The following AGBL4 variants were observed in gnomAD, a reference collection of about 807,000 sequenced individuals.
AGBL4 encodes the protein AGBL carboxypeptidase 4.
AGBL4 carries 58 observed loss-of-function variants against 66.4 expected under a neutral mutation model. The observed-to-expected ratio is 0.87, with a 90% CI of 0.71 to 1.09. The LOEUF (loss-of-function observed/expected upper bound fraction) is 1.09, where lower values mean the gene tolerates loss of function less well. AGBL4 is among the 50% of genes least tolerant of loss of function. AGBL4 has a pLI of 0.00. For synonymous variants in AGBL4, 234 were observed against 222.9 expected (o/e 1.05, Z -0.44); for missense variants, 579 against 631.0 (o/e 0.92, Z 0.88).
In AGBL4 at chr1:49,625,176, T is replaced by C. The variant is rs139432537; in HGVS notation, c.282+72137A>G. Among the ~76,000 whole-genome samples the C allele has an allele frequency of 2.9e-3, 435 of 152,334 alleles. 5 individuals carry two copies. Among genetic ancestry groups the C allele is most frequent in the Non-Finnish European group, 3.7e-3 (252 of 68,018 alleles). ...CCTTTACCATCTAAGCCACATCATT[T>C]AAGATTTATTTTAAAACACTTTATA... On this transcript the variant is annotated intron_variant, in intron 3 of 13. Coordinates refer to ENST00000371839, the MANE Select transcript of AGBL4 (RefSeq NM_032785.4).
At chr1:49,138,933 T>C in intron 4 of AGBL4, among the ~76,000 whole-genome samples, 1 of 152,094 alleles carries the variant, frequency 6.6e-6, no homozygotes, top group Admixed American at 6.6e-5. Context: ...CTGCAGGCTG[T>C]ACAGAACGAA....
At chr1:49,862,025 G>A (rs1486726289) in intron 1 of AGBL4, among the ~76,000 whole-genome samples, 1 of 151,924 alleles carries the variant, frequency 6.6e-6, no homozygotes, top group African/African-American at 2.4e-5. Flanking sequence ...ACAAAAACAT[G>A]GTCTCACCAA....
chr1:48,892,877 G>A (rs1019589157), intron 5 of AGBL4, among the ~76,000 whole-genome samples: 1 of 152,094 alleles, frequency 6.6e-6, no homozygotes, highest in African/African-American at 2.4e-5. Flanking sequence ...AAGAAAATGA[G>A]TTTCTGGTTA....
intron 3 of AGBL4, among the ~76,000 whole-genome samples, chr1:49,595,697 T>C (rs534226590): frequency 1.4e-4 from 22 of 152,242 alleles, no homozygotes; most frequent in African/African-American, 4.6e-4. Context: ...AATTATTTCA[T>C]AGCATAAGCA....
intron 6 of AGBL4, among the ~76,000 whole-genome samples, chr1:48,716,849 G>C (rs554870765): frequency 6.6e-6 from 1 of 152,328 alleles, no homozygotes; most frequent in East Asian, 1.9e-4. Context: ...AGATGAATTT[G>C]GAACTGTCCC....
At chr1:49,141,242 T>C (rs1222140935) in intron 4 of AGBL4, among the ~76,000 whole-genome samples, 3 of 152,198 alleles carry the variant, frequency 2.0e-5, no homozygotes, top group African/African-American at 7.2e-5. Context: ...TGAAAAGTAA[T>C]ATTTTATGCA....
At chr1:49,697,502 T>A in intron 2 of AGBL4, 65 bp from the exon 3 acceptor site, 1 of 1,277,268 alleles carries the variant, frequency 7.8e-7, no homozygotes, top group Non-Finnish European at 1.1e-6. Context: ...GGTACACACA[T>A]TTAAATATTA....
At chr1:49,800,432 G>A (rs1488048313) in intron 2 of AGBL4, among the ~76,000 whole-genome samples, 3 of 138,266 alleles carry the variant, frequency 2.2e-5, no homozygotes, top group African/African-American at 8.2e-5. Context: ...AGTTACATAT[G>A]TATACATGTG....
chr1:49,699,200 A>G (rs1302777318), intron 2 of AGBL4, among the ~76,000 whole-genome samples: 1 of 152,074 alleles, frequency 6.6e-6, no homozygotes, highest in African/African-American at 2.4e-5. Flanking sequence ...TATCAAACAT[A>G]TACTTTCTTT....
intron 4 of AGBL4, among the ~76,000 whole-genome samples, chr1:49,180,180 G>A (rs920779814): frequency 1.3e-5 from 2 of 152,236 alleles, no homozygotes; most frequent in African/African-American, 2.4e-5. Flanking sequence ...TTACAGGCGT[G>A]AGCCACTGCG....
intron 3 of AGBL4, among the ~76,000 whole-genome samples, chr1:49,550,353 T>G (rs1212767894): frequency 6.6e-6 from 1 of 152,146 alleles, no homozygotes; most frequent in African/African-American, 2.4e-5. Context: ...ATTTTTAGGA[T>G]TTTTGTTTTT....
chr1:49,561,543 T>A (rs1644044729), intron 3 of AGBL4, among the ~76,000 whole-genome samples: 1 of 151,494 alleles, frequency 6.6e-6, no homozygotes, highest in African/African-American at 2.4e-5. Context: ...CACCTATGAG[T>A]GAGAACATGT....
At chr1:49,610,267 T>A (rs1246466143) in intron 3 of AGBL4, among the ~76,000 whole-genome samples, 2 of 152,154 alleles carry the variant, frequency 1.3e-5, no homozygotes, top group African/African-American at 4.8e-5. Context: ...GGGAGTGTTA[T>A]TTTCCCTATT....
chr1:48,818,935 C>G (rs1219301192), intron 6 of AGBL4, among the ~76,000 whole-genome samples: 1 of 152,094 alleles, frequency 6.6e-6, no homozygotes, highest in African/African-American at 2.4e-5. Flanking sequence ...ATTCCACATC[C>G]TGGAGTGAGG....
At chr1:49,787,823 G>A (rs1215464473) in intron 2 of AGBL4, among the ~76,000 whole-genome samples, 1 of 152,084 alleles carries the variant, frequency 6.6e-6, no homozygotes, top group African/African-American at 2.4e-5. Context: ...GACAACACAT[G>A]AGAATTGTTG....
Position 48,632,880 on chromosome 1 carries a change from G to A in AGBL4, c.951+1613C>T, listed in dbSNP as rs1371571892. Reference sequence around the variant, plus strand: ...CAGATTCTTCCTGAGAAAATCAGAAGCAGTTTCTCTCTGCAAGGAAAGCTG... The same window carrying A: ...CAGATTCTTCCTGAGAAAATCAGAAACAGTTTCTCTCTGCAAGGAAAGCTG... On this transcript the variant is annotated intron_variant, in intron 9 of 13. Transcript: ENST00000371839. 3.3e-5 allele frequency among the ~76,000 whole-genome samples: 5 copies of A among 152,238 alleles called. No individual in the cohort carries two copies. In the South Asian group the frequency reaches 1.0e-3, roughly 31 times the overall value.
chr1:49,541,747 G>A (rs1207961414), intron 3 of AGBL4, among the ~76,000 whole-genome samples: 1 of 152,244 alleles, frequency 6.6e-6, no homozygotes, highest in Non-Finnish European at 1.5e-5. Flanking sequence ...TGTGGCCCCT[G>A]TGCAGGATCC....
chr1:49,961,995 A>G (rs1657157199), intron 1 of AGBL4, among the ~76,000 whole-genome samples: 1 of 152,172 alleles, frequency 6.6e-6, no homozygotes, highest in Non-Finnish European at 1.5e-5. Flanking sequence ...ATTTTGTGTG[A>G]AAGCTTCTAA....
intron 9 of AGBL4, 99 bp from the exon 10 acceptor site, chr1:48,591,084 CCACCCACCCCCCCCCACACA>C: frequency 4.0e-6 from 3 of 756,836 alleles, no homozygotes; most frequent in Non-Finnish European, 3.8e-6. Flanking sequence ...CCACACACAC[CCACCCACCCCCCCCCACACA>C]CACACACACA....
Sources: allele counts gnomAD v4.1 joint callset (sites outside exome capture counted in the v4.1 genomes callset), GRCh38; gene constraint gnomAD v4.1.1; transcripts MANE v1.5; gene names NCBI Gene and HGNC (gene_info 2026-07-23, HGNC 2026-07-21).